Variants in SLC26A4 observed in about 807,000 individuals in gnomAD.
The protein encoded by SLC26A4 is solute carrier family 26 member 4.
A neutral mutation model predicts 90.4 loss-of-function variants in SLC26A4; 93 were observed. The ratio of observed to expected loss-of-function variants is 1.03; its 90% CI spans 0.87 to 1.22. The LOEUF is 1.22. Among genes scored for constraint, SLC26A4 ranks in the 50% most tolerant of loss-of-function variants. The pLI is 0.00. For synonymous variants in SLC26A4, 393 were observed against 354.6 expected (o/e 1.11, Z -1.22); for missense variants, 1,127 against 946.2 (o/e 1.19, Z -2.51).
chr7:107,701,468 T>G (rs1432197735), intron 16 of SLC26A4, among the ~76,000 whole-genome samples: 1 of 152,230 alleles, frequency 6.6e-6, no homozygotes, highest in African/African-American at 2.4e-5. Flanking sequence ...TTATTTTTAC[T>G]GAAAGGAACA....
intron 10 of SLC26A4, among the ~76,000 whole-genome samples, chr7:107,694,164 A>G (rs1336408199): frequency 6.6e-6 from 1 of 152,196 alleles, no homozygotes; most frequent in Non-Finnish European, 1.5e-5. Context: ...TTAATTTCAT[A>G]GGATCAGTCC....
chr7:107,705,590 T>C (rs770654101), intron 18 of SLC26A4, among the ~76,000 whole-genome samples: 4 of 152,196 alleles, frequency 2.6e-5, no homozygotes, highest in Non-Finnish European at 5.9e-5. Flanking sequence ...GTCACCCAAC[T>C]GCACAGATGC....
rs75761677 is a variant in SLC26A4, at chr7:107,684,345, G to A, written c.1001+808G>A. ...CCTAAGACTGGAAGAGTTTGGTACC[G>A]GTGTTTCTACCAGGAAAGGGAGTGG... On this transcript the variant is annotated intron_variant, in intron 8 of 20. Coordinates refer to ENST00000644269, the MANE Select transcript of SLC26A4 (RefSeq NM_000441.2). 3.0e-4 allele frequency among the ~76,000 whole-genome samples: 45 copies of A among 152,262 alleles called. No homozygotes were observed. In the East Asian group the frequency reaches 6.7e-3, roughly 23 times the overall value.
chr7:107,661,529 G>C lies in SLC26A4; in HGVS notation c.-3-110G>C, dbSNP rs888405079. The C allele has an allele frequency of 1.6e-6, 2 of 1,218,736 alleles. No individual in the cohort carries two copies. Among genetic ancestry groups the C allele is most frequent in the South Asian group, 2.6e-5 (2 of 75,838 alleles). 75.5% of individuals were successfully genotyped at this position (1,218,736 alleles called of 1,614,324 possible). On this transcript the variant is annotated intron_variant, in intron 1 of 20. Transcript: ENST00000644269. The surrounding 1 kb of genome is among the most constrained non-coding windows in gnomAD (Gnocchi z 5.1). ...GCGGACCAGACTCGCGGTGCAGGGG[G>C]GCCTGGCTGCAGCTAACAGGTGATC...
intron 3 of SLC26A4, among the ~76,000 whole-genome samples, chr7:107,663,705 A>G (rs1447831900): frequency 6.6e-6 from 1 of 152,076 alleles, no homozygotes; most frequent in Non-Finnish European, 1.5e-5. Flanking sequence ...TTTATTTGAG[A>G]CGGGGGCTCG....
rs1304739031 is a variant in SLC26A4 at position 107,715,543 on chromosome 7, T to G, written c.*97T>G. The G allele has an allele frequency of 1.1e-5, 10 of 941,094 alleles. No individual in the cohort carries two copies. Among genetic ancestry groups the G allele is most frequent in the Non-Finnish European group, 1.8e-5 (10 of 565,238 alleles). 58.3% of individuals were successfully genotyped at this position (941,094 alleles called of 1,614,324 possible). Reference sequence around the variant, plus strand: ...CAGACTCAAAACACTCATTCTTTTTTCTATTAAGCCATTGAAAGAGAAGCA... The same window carrying G: ...CAGACTCAAAACACTCATTCTTTTTGCTATTAAGCCATTGAAAGAGAAGCA... On this transcript the variant is annotated 3_prime_UTR_variant, in exon 21 of 21. Coordinates refer to ENST00000644269, the MANE Select transcript of SLC26A4 (RefSeq NM_000441.2).
At chr7:107,679,405 A>G (rs1452587168) in intron 6 of SLC26A4, among the ~76,000 whole-genome samples, 1 of 152,204 alleles carries the variant, frequency 6.6e-6, no homozygotes, top group Non-Finnish European at 1.5e-5. Flanking sequence ...GCCTGACAGC[A>G]AAAGGTGGTC....
At chr7:107,686,276 C>T (rs1347765469) in intron 8 of SLC26A4, among the ~76,000 whole-genome samples, 1 of 134,080 alleles carries the variant, frequency 7.5e-6, no homozygotes, top group South Asian at 2.6e-4. Context: ...TTCCTTCCCT[C>T]CCTTCCCTCC....
chr7:107,695,962 C>A lies in SLC26A4; in HGVS notation c.1467C>A (p.Ser489=). ...TCTGGGTGTTTACGTGTATAGTGTC[C>A]ATCATTCTGGGGCTGGATCTCGGTT... ...AVIWVFTCIV[S]IILGLDLGLL... is the part of the protein sequence containing the mutation. Residue 489 remains serine, a synonymous_variant, in exon 13 of 21, where the codon TCC becomes TCA. Coordinates refer to ENST00000644269, the MANE Select transcript of SLC26A4 (RefSeq NM_000441.2). The A allele has an allele frequency of 6.2e-7, 1 of 1,609,654 alleles. No homozygotes were observed. The highest frequency in any genetic ancestry group is 8.5e-7 in the Non-Finnish European group (1 of 1,176,382).
chr7:107,695,255 A>T (rs1160895185), intron 12 of SLC26A4, among the ~76,000 whole-genome samples: 1 of 152,140 alleles, frequency 6.6e-6, no homozygotes, highest in Non-Finnish European at 1.5e-5. Context: ...CCAGAATAGA[A>T]ATGCTGGGGA....
intron 10 of SLC26A4, among the ~76,000 whole-genome samples, chr7:107,691,194 G>T (rs1249772922): frequency 2.0e-5 from 3 of 148,950 alleles, no homozygotes; most frequent in East Asian, 2.1e-4. Flanking sequence ...TTTTACTAAG[G>T]CGGGGACACT....
intron 6 of SLC26A4, among the ~76,000 whole-genome samples, chr7:107,680,175 AT>A (rs1428664798): frequency 5.7e-5 from 7 of 122,950 alleles, no homozygotes; most frequent in South Asian, 2.3e-4. Context: ...ATCTTATCTT[AT>A]TATATAATAT....
intron 8 of SLC26A4, among the ~76,000 whole-genome samples, chr7:107,684,514 C>T (rs1791341591): frequency 6.6e-6 from 1 of 152,148 alleles, no homozygotes; most frequent in Admixed American, 6.5e-5. Flanking sequence ...CTTATAATTT[C>T]CTCTAATATC....
Position 107,698,122 on chromosome 7 carries a change from TTG to T in SLC26A4, c.1614+14_1614+15del. ...AAGAATTACAAAAACGTAAGTACCT[TTG>T]TGAGACATTTGCTGGACTTGGGTTT... On this transcript the variant is annotated intron_variant, in intron 14 of 20. Transcript: ENST00000644269. 6.4e-7 allele frequency: 1 copy of T among 1,561,158 alleles called. No individual in the cohort carries two copies. The highest frequency in any genetic ancestry group is 8.8e-7 in the Non-Finnish European group (1 of 1,131,844).
At chr7:107,701,777 A>AAAG (rs1308683052) in intron 16 of SLC26A4, 50 bp from the exon 17 acceptor site, 2 of 1,215,296 alleles carry the variant, frequency 1.6e-6, no homozygotes, top group African/African-American at 3.0e-5. Context: ...TGAATGGTTG[A>AAAG]AAGATTTCAA....
intron 16 of SLC26A4, 60 bp from the exon 17 acceptor site, chr7:107,701,767 T>G: frequency 9.1e-7 from 1 of 1,101,082 alleles, no homozygotes; most frequent in Non-Finnish European, 1.4e-6. Flanking sequence ...TAATTTGATA[T>G]GAATGGTTGA....
chr7:107,702,653 C>T (rs1369455879), intron 17 of SLC26A4, among the ~76,000 whole-genome samples: 2 of 148,000 alleles, frequency 1.4e-5, no homozygotes, highest in Admixed American at 6.8e-5. Flanking sequence ...CCACTGTACT[C>T]CAGCCTGGGT....
intron 18 of SLC26A4, among the ~76,000 whole-genome samples, chr7:107,705,197 G>A (rs144487988): frequency 0.013 from 2,010 of 152,288 alleles, 20 homozygotes; most frequent in Non-Finnish European, 0.02. Context: ...ACCTAGGTAA[G>A]AGTGAACAAA....
chr7:107,695,907 C>A (rs370845088), intron 12 of SLC26A4, 26 bp from the exon 13 acceptor site: 9 of 1,141,562 alleles, frequency 7.9e-6, no homozygotes, highest in Middle Eastern at 1.9e-4. Context: ...TAATATAATT[C>A]TTTTCATTTC....
Sources: allele counts gnomAD v4.1 joint callset (sites outside exome capture counted in the v4.1 genomes callset), GRCh38; gene constraint gnomAD v4.1.1; non-coding constraint Gnocchi (gnomAD v3.1); transcripts MANE v1.5; gene names NCBI Gene and HGNC (gene_info 2026-07-23, HGNC 2026-07-21).